Variants in TRPM7 observed in about 807,000 individuals in gnomAD.
TRPM7 encodes the protein LTRPC ion channel family member 7.
In TRPM7, 134 loss-of-function variants were observed where a neutral mutation model predicts 229.7. The ratio of observed to expected loss-of-function variants is 0.58; its 90% CI spans 0.51 to 0.67. The LOEUF (loss-of-function observed/expected upper bound fraction) is 0.67. Ranked by LOEUF, TRPM7 falls within the 30% of genes least tolerant of loss-of-function variation. The pLI is 0.00. For missense variants in TRPM7, 1,901 were observed against 2,210.0 expected (o/e 0.86, Z 2.80); for synonymous variants, 699 against 715.2 (o/e 0.98, Z 0.36).
chr15:50,685,043 G>A (rs938007883), intron 1 of TRPM7, among the ~76,000 whole-genome samples: 2 of 152,078 alleles, frequency 1.3e-5, no homozygotes, highest in Admixed American at 6.6e-5. Flanking sequence ...CATTTGTCTG[G>A]GATTTGCTTT....
intron 1 of TRPM7, among the ~76,000 whole-genome samples, chr15:50,664,367 A>G (rs2061826472): frequency 6.6e-6 from 1 of 151,838 alleles, no homozygotes; most frequent in South Asian, 2.1e-4. Flanking sequence ...GCTACATTCC[A>G]TTTCTAATAT....
Position 50,589,605 on chromosome 15 carries a change from A to C in TRPM7, c.4376T>G (p.Ile1459Arg). Residue 1459 changes from isoleucine (I) to arginine (R), a missense_variant, in exon 27 of 39, where the codon ATA (isoleucine) becomes AGA (arginine). Physicochemically the swap from Ile to Arg is moderately conservative, Grantham distance 97. Transcript: ENST00000646667. ...LQRFKETSNK[I>R]KILSNNNTSE... ...GGATTTACTTACGGATAGTATTTTTATCTTGTTTGATGTTTCTTTAAACCT... is the reference window on the plus strand; with the variant it reads ...GGATTTACTTACGGATAGTATTTTTCTCTTGTTTGATGTTTCTTTAAACCT... The C allele has an allele frequency of 1.3e-6, 2 of 1,579,978 alleles. No individual in the cohort carries two copies. Among genetic ancestry groups the C allele is most frequent in the Non-Finnish European group, 1.7e-6 (2 of 1,152,964 alleles).
chr15:50,642,816 G>A (rs1481536030), intron 5 of TRPM7, among the ~76,000 whole-genome samples: 7 of 151,786 alleles, frequency 4.6e-5, no homozygotes, highest in African/African-American at 1.7e-4. Flanking sequence ...GCTGGATTTG[G>A]CACACAGGCT....
Position 50,611,333 on chromosome 15 carries a change from T to A in TRPM7, c.2052-12A>T. 6.2e-7 allele frequency: 1 copy of A among 1,604,756 alleles called. No homozygotes were observed. The highest frequency in any genetic ancestry group is 1.7e-5 in the Admixed American group (1 of 59,076). On this transcript the variant is annotated splice_polypyrimidine_tract_variant and intron_variant, in intron 16 of 38. Transcript: ENST00000646667. ...ACTGACCAAAATCACTATAAAAAGA[T>A]AAAAGCCAAAATATACTCAGATTAA... is the stretch of plus-strand genomic sequence containing the variant.
chr15:50,604,609 G>T, intron 21 of TRPM7: 4 of 237,988 alleles, frequency 1.7e-5, no homozygotes, highest in African/African-American at 2.3e-5. Context: ...GATCAGTGAA[G>T]ACAGGAAAAA....
At position 50,657,684 on chromosome 15, in the gene TRPM7, ATG is replaced by A. The variant is rs1596320509; in HGVS notation, c.122+95_122+96del. ...TAAAGTACCCATCAAATATAATAGC[ATG>A]TGAGTTTCATGCCACTGTGTTCTAA... On this transcript the variant is annotated intron_variant, in intron 3 of 38. Transcript: ENST00000646667. The A allele has an allele frequency of 4.6e-6, 5 of 1,075,880 alleles. No homozygotes were observed. In the East Asian group the frequency reaches 1.3e-4, roughly 27 times the overall value. 66.6% of individuals were successfully genotyped at this position (1,075,880 alleles called of 1,614,324 possible).
rs748708717 is a variant in TRPM7 at position 50,599,255 on chromosome 15, T to C, written c.3030A>G (p.Val1010=). 34 of 1,613,114 alleles carry C rather than the reference T, an allele frequency of 2.1e-5. No homozygotes were observed. In the South Asian group the frequency reaches 3.6e-4, roughly 17 times the overall value. The change falls in exon 22 of 39, where the codon GTA becomes GTG. Residue 1010 remains valine, a synonymous_variant. Transcript: ENST00000646667. Reference sequence around the variant, plus strand: ...TTCTGGGAACACCAAAACTAAGTAATACAAGAGCCATAATCACTACAATGT... The same window carrying C: ...TTCTGGGAACACCAAAACTAAGTAACACAAGAGCCATAATCACTACAATGT... The part of the protein sequence containing the change: ...MFYIVVIMAL[V]LLSFGVPRKA...
At chr15:50,661,300 T>C (rs1027527141) in intron 2 of TRPM7, among the ~76,000 whole-genome samples, 4 of 152,150 alleles carry the variant, frequency 2.6e-5, no homozygotes, top group Non-Finnish European at 4.4e-5. Context: ...TTATAAAATA[T>C]CTGTAGTATG....
At position 50,604,824 on chromosome 15, in the gene TRPM7, A is replaced by G. The variant is rs199999441; in HGVS notation, c.2988+42T>C. The G allele has an allele frequency of 5.8e-5, 88 of 1,507,198 alleles. No individual in the cohort carries two copies. In the African/African-American group the frequency reaches 1.1e-3, roughly 19 times the overall value. 93.4% of individuals were successfully genotyped at this position (1,507,198 alleles called of 1,614,324 possible). ...TAACATTTTTGTGATTTTTTAAAAAATCAATAAACCCACGAGTATTATCAA... is the reference window on the plus strand; with the variant it reads ...TAACATTTTTGTGATTTTTTAAAAAGTCAATAAACCCACGAGTATTATCAA... On this transcript the variant is annotated intron_variant, in intron 21 of 38. Coordinates refer to ENST00000646667, the MANE Select transcript of TRPM7 (RefSeq NM_017672.6).
chr15:50,639,863 TATA>T (rs1488270530), intron 5 of TRPM7, among the ~76,000 whole-genome samples: 1 of 151,916 alleles, frequency 6.6e-6, no homozygotes, highest in Admixed American at 6.6e-5. Flanking sequence ...TCTGTAACAC[TATA>T]ATATGTGATA....
At chr15:50,631,693 A>C (rs115348704) in intron 9 of TRPM7, among the ~76,000 whole-genome samples, 1,716 of 152,168 alleles carry the variant, frequency 0.011, 32 homozygotes, top group African/African-American at 0.04. Flanking sequence ...AAAACCAAAA[A>C]ATTTTAAAAA....
chr15:50,632,782 CA>C, intron 9 of TRPM7, 86 bp downstream of exon 9: 1 of 1,263,276 alleles, frequency 7.9e-7, no homozygotes, highest in Non-Finnish European at 1.1e-6. Context: ...CAAATAAAAA[CA>C]AAAGTATTTC....
chr15:50,567,033 T>A (rs1443762549), intron 38 of TRPM7, among the ~76,000 whole-genome samples: 2 of 150,020 alleles, frequency 1.3e-5, no homozygotes, highest in African/African-American at 5.0e-5. Flanking sequence ...GCCCCCAAAT[T>A]TGACAATTAA....
rs777324597 is a variant in TRPM7 at position 50,592,121 on chromosome 15, C to T, written c.4114G>A (p.Val1372Ile). 3 of 1,612,964 alleles carry T rather than the reference C, an allele frequency of 1.9e-6. No homozygotes were observed. The highest frequency in any genetic ancestry group is 1.3e-5 in the African/African-American group (1 of 74,870). The change falls in exon 26 of 39, where the codon GTA (valine) becomes ATA (isoleucine). Residue 1372 changes from valine to isoleucine, a missense_variant. Coordinates refer to ENST00000646667, the MANE Select transcript of TRPM7 (RefSeq NM_017672.6). ...TTATTAAATATTTTTAAGAGTTCTA[C>T]CCCATGTAGTCTCTGTCGCAGTTCT... ...PPELRQRLHG[V>I]ELLKIFNKNQ...
chr15:50,609,090 A>C (rs979715289), intron 19 of TRPM7, among the ~76,000 whole-genome samples: 2 of 152,250 alleles, frequency 1.3e-5, no homozygotes, highest in Non-Finnish European at 2.9e-5. Context: ...ATTATATGGA[A>C]GGTAATCAAG....
At position 50,639,426 on chromosome 15, in the gene TRPM7, C is replaced by G. The variant is rs765099739; in HGVS notation, c.658G>C (p.Asp220His). ...IENRNDLVGR[D>H]VVAPYQTLLN... is the part of the protein sequence containing the mutation. ...GAAATTTTAAAAATAATTCTTACAT[C>G]TCTCCCAACAAGATCATTTCTGTTT... Residue 220 changes from aspartate (D) to histidine (H), a missense_variant and splice_region_variant, in exon 6 of 39, where the codon GAT (aspartate) becomes CAT (histidine). By Grantham distance (81) the Asp-to-His change is moderately conservative. Transcript: ENST00000646667. The G allele has an allele frequency of 6.4e-7, 1 of 1,574,590 alleles. No homozygotes were observed. The highest frequency in any genetic ancestry group is 8.6e-7 in the Non-Finnish European group (1 of 1,159,632).
At chr15:50,638,630 T>C (rs1214817228) in intron 6 of TRPM7, among the ~76,000 whole-genome samples, 1 of 152,050 alleles carries the variant, frequency 6.6e-6, no homozygotes, top group African/African-American at 2.4e-5. Flanking sequence ...AAACTGACAT[T>C]AGAAATTTAA....
rs572233112 is a variant in TRPM7 at position 50,657,904 on chromosome 15, C to T, written c.84-85G>A. 104 of 1,078,492 alleles carry T rather than the reference C, an allele frequency of 9.6e-5. 1 individual carries two copies. The South Asian group carries it at 1.2e-3, about 13-fold the overall frequency. 66.8% of individuals were successfully genotyped at this position (1,078,492 alleles called of 1,614,324 possible). ...TATATAAAATACATAAAATACAAAA[C>T]AAAAAAAATTATATACCTAGTTTAA... On this transcript the variant is annotated intron_variant, in intron 2 of 38. Transcript: ENST00000646667.
Position 50,634,406 on chromosome 15 carries a change from A to G in TRPM7, c.983T>C (p.Ile328Thr). Residue 328 changes from isoleucine to threonine, a missense_variant, in exon 8 of 39, where the codon ATT becomes ACT. Around this residue, in one of 8 missense-constraint regions of TRPM7, gnomAD observed 794 missense variants for 881.9 expected, o/e 0.90. Transcript: ENST00000646667. ...TGRAADLLAYIHKQTEEGGNL... is the reference protein window; with the variant it reads ...TGRAADLLAYTHKQTEEGGNL... Reference sequence around the variant, plus strand: ...CCCTCCTTCTTCTGTTTGTTTATGAATATACGCTAGCAGATCTGCAGCTCT... The same window carrying G: ...CCCTCCTTCTTCTGTTTGTTTATGAGTATACGCTAGCAGATCTGCAGCTCT... 1 of 1,580,484 alleles carries G rather than the reference A, an allele frequency of 6.3e-7. No homozygotes were observed. Among genetic ancestry groups the G allele is most frequent in the Non-Finnish European group, 8.6e-7 (1 of 1,166,508 alleles).
Sources: gnomAD v4.1 joint callset for allele counts (sites outside exome capture counted in the v4.1 genomes callset) on GRCh38, gnomAD v4.1.1 for gene constraint, gnomAD v4.1.1 regional missense constraint, MANE v1.5 for transcripts, NCBI Gene and HGNC (gene_info 2026-07-23, HGNC 2026-07-21) for gene names.